FHIP2A: variants seen among roughly 807,000 people sequenced by gnomAD.
FHIP2A encodes the protein FHF complex subunit HOOK interacting protein 2A, also known as family with sequence similarity 160 member B1.
Under a neutral mutation model 93.5 loss-of-function variants are expected in FHIP2A, and 46 were observed. The observed-to-expected ratio is 0.49, with a 90% confidence interval of 0.39 to 0.63. The LOEUF (loss-of-function observed/expected upper bound fraction) is 0.63. Among genes scored for constraint, FHIP2A ranks in the 20% least tolerant of loss-of-function variants. FHIP2A has a pLI of 0.00. For synonymous variants in FHIP2A, 332 were observed against 326.5 expected, an observed-to-expected ratio of 1.02 and a Z score of -0.18; for missense variants, 769 against 909.7, an observed-to-expected ratio of 0.85 and a Z score of 1.99.
In FHIP2A at chr10:114,846,836, T is replaced by C. The variant is rs2083704623; in HGVS notation, c.1568+108T>C. On this transcript the variant is annotated intron_variant, in intron 11 of 16. Transcript: ENST00000369248. Reference sequence around the variant, plus strand: ...CTCAAAAGAAATACCTCTTACAGTTTAAAAGTTCTTAAAAGTAAAATTAGA... The same window carrying C: ...CTCAAAAGAAATACCTCTTACAGTTCAAAAGTTCTTAAAAGTAAAATTAGA... 3 of 1,008,260 alleles carry C rather than the reference T, an allele frequency of 3.0e-6. 1 individual carries two copies. In the East Asian group the frequency reaches 7.8e-5, roughly 26 times the overall value. The allele number at this position is 1,008,260 out of a possible 1,614,324, so 62.5% of individuals were successfully genotyped here.
chr10:114,857,096 C>T (rs1352477403), intron 14 of FHIP2A, among the ~76,000 whole-genome samples: 1 of 151,688 alleles, frequency 6.6e-6, no homozygotes, highest in Non-Finnish European at 1.5e-5. Flanking sequence ...AGTGAGACCC[C>T]GTCTCTAAAA....
chr10:114,845,589 AC>A, intron 8 of FHIP2A, 108 bp downstream of exon 8: 1 of 678,976 alleles, frequency 1.5e-6, no homozygotes, highest in Non-Finnish European at 2.5e-6. Context: ...GTCTTAGAAT[AC>A]CATGGTTAGT....
chr10:114,855,157 T>C (rs762685315), intron 13 of FHIP2A, 40 bp from the exon 14 acceptor site: 2 of 1,576,870 alleles, frequency 1.3e-6, no homozygotes, highest in Non-Finnish European at 1.7e-6. Flanking sequence ...TCTTAATTTG[T>C]TTTTGTTCTT....
chr10:114,846,549 T>C lies in FHIP2A; in HGVS notation c.1399-10T>C. On this transcript the variant is annotated splice_polypyrimidine_tract_variant and intron_variant, in intron 10 of 16. Coordinates refer to ENST00000369248, the MANE Select transcript of FHIP2A (RefSeq NM_020940.4). Reference sequence around the variant, plus strand: ...ATTTTTCAGTTAGCTTTTATCAATTTTGGTTTCAGATAAGCATAATGACAT... The same window carrying C: ...ATTTTTCAGTTAGCTTTTATCAATTCTGGTTTCAGATAAGCATAATGACAT... The C allele has an allele frequency of 1.8e-5, 28 of 1,572,150 alleles. No individual in the cohort carries two copies. The highest frequency in any genetic ancestry group is 2.4e-5 in the Non-Finnish European group (28 of 1,162,958).
intron 16 of FHIP2A, among the ~76,000 whole-genome samples, chr10:114,872,212 A>T (rs1592029825): frequency 6.6e-6 from 1 of 152,038 alleles, no homozygotes; most frequent in African/African-American, 2.4e-5. Flanking sequence ...AAAGACAAAA[A>T]CTTCCACTGT....
chr10:114,860,889 G>C lies in FHIP2A; in HGVS notation c.2088G>C (p.Arg696Ser), dbSNP rs1385886986. Residue 696 changes from arginine to serine, a missense_variant and splice_region_variant, in exon 15 of 17, where the codon AGG (arginine) becomes AGC (serine). By Grantham distance (110) the Arg-to-Ser change is moderately radical (BLOSUM62 -1). Coordinates refer to ENST00000369248, the MANE Select transcript of FHIP2A (RefSeq NM_020940.4). ...GATCTCTCTTCTCTGTAATTGTCAGGGTGAGTTACTAGTTCTGTTATATTC... is the reference window on the plus strand; with the variant it reads ...GATCTCTCTTCTCTGTAATTGTCAGCGTGAGTTACTAGTTCTGTTATATTC... ...GCRSLFSVIVRVVGDLMLRIQ... is the reference protein window; with the variant it reads ...GCRSLFSVIVSVVGDLMLRIQ... The C allele has an allele frequency of 6.2e-7, 1 of 1,612,630 alleles. No homozygotes were observed. Among genetic ancestry groups the C allele is most frequent in the Non-Finnish European group, 8.5e-7 (1 of 1,179,114 alleles).
rs565829263 is a variant in FHIP2A at position 114,861,698 on chromosome 10, T to C, written c.*158T>C. 3.7e-4 allele frequency: 520 copies of C among 1,412,426 alleles called. 2 individuals carry two copies. The South Asian group carries it at 6.7e-3, about 18-fold the overall frequency. 87.5% of individuals were successfully genotyped at this position (1,412,426 alleles called of 1,614,324 possible). ...TTAAGAACCTATTGAGTGGACATTC[T>C]TGGTGAAATGTTGTATAATGTTGTT... On this transcript the variant is annotated 3_prime_UTR_variant, in exon 17 of 17. Transcript: ENST00000369248.
rs575628883 is a variant in FHIP2A, at chr10:114,841,493, T to C, written c.523-1440T>C. 3.3e-5 allele frequency among the ~76,000 whole-genome samples: 5 copies of C among 152,120 alleles called. No individual in the cohort carries two copies. In the East Asian group the frequency reaches 7.7e-4, roughly 24 times the overall value. On this transcript the variant is annotated intron_variant, in intron 5 of 16. Transcript: ENST00000369248. Reference sequence around the variant, plus strand: ...TTTTTAGTAGAGACAGGGTTTACCATGTTGGCCAGGCTGGTCTCGAACTCC... The same window carrying C: ...TTTTTAGTAGAGACAGGGTTTACCACGTTGGCCAGGCTGGTCTCGAACTCC...
chr10:114,897,540 C>A (rs187257148), intron 16 of FHIP2A, among the ~76,000 whole-genome samples: 5 of 152,252 alleles, frequency 3.3e-5, no homozygotes, highest in Admixed American at 6.5e-5. Flanking sequence ...TAAAAATATT[C>A]TTTTCTCTCC....
chr10:114,832,789 G>A (rs914918456), intron 2 of FHIP2A, among the ~76,000 whole-genome samples: 1 of 147,776 alleles, frequency 6.8e-6, no homozygotes, highest in African/African-American at 2.5e-5. Flanking sequence ...TCTGCTCACT[G>A]CAGCCTCCAC....
downstream of FHIP2A, among the ~76,000 whole-genome samples, chr10:114,868,108 G>C (rs142837302): frequency 6.6e-6 from 1 of 151,988 alleles, no homozygotes; most frequent in African/African-American, 2.4e-5. Context: ...TATTTTTGTA[G>C]AGATACAGTC....
chr10:114,845,877 C>T, intron 8 of FHIP2A, 136 bp from the exon 9 acceptor site: 2 of 652,394 alleles, frequency 3.1e-6, no homozygotes, highest in Middle Eastern at 4.2e-4. Flanking sequence ...ATTTATATGC[C>T]ACCAATAAGA....
In FHIP2A at chr10:114,843,094, T is replaced by G. The variant is rs1000273383; in HGVS notation, c.684T>G (p.Pro228=). ...AGCAAACAGAATTGGAAGATGAGCC[T>G]CCTCATCAGATGGATCACCTGTCCA... ...GMEQTELEDE[P]PHQMDHLSTS... Residue 228 remains proline, a synonymous_variant, in exon 6 of 17, where the codon CCT becomes CCG. Transcript: ENST00000369248. The G allele has an allele frequency of 6.8e-6, 11 of 1,614,052 alleles. No homozygotes were observed. Among genetic ancestry groups the G allele is most frequent in the Non-Finnish European group, 9.3e-6 (11 of 1,179,972 alleles).
At chr10:114,890,335 C>A (rs2083964447) in intron 16 of FHIP2A, among the ~76,000 whole-genome samples, 1 of 151,916 alleles carries the variant, frequency 6.6e-6, no homozygotes, top group Admixed American at 6.6e-5. Context: ...GCCTAACCAC[C>A]TGTATTTTTG....
Position 114,842,992 on chromosome 10 carries a change from A to T in FHIP2A, c.582A>T (p.Leu194Phe). 1.2e-6 allele frequency: 2 copies of T among 1,612,946 alleles called. No individual in the cohort carries two copies. The highest frequency in any genetic ancestry group is 8.5e-7 in the Non-Finnish European group (1 of 1,178,954). Reference sequence around the variant, plus strand: ...CAAATGTAATTTCAGAAGATACATTAAAAGGTCAGGATTCCTTGTCAACAG... The same window carrying T: ...CAAATGTAATTTCAGAAGATACATTTAAAGGTCAGGATTCCTTGTCAACAG... ...GVPNVISEDT[L>F]KGQDSLSTDT... Residue 194 changes from leucine (L) to phenylalanine (F), a missense_variant, in exon 6 of 17, where the codon TTA (leucine) becomes TTT (phenylalanine). Physicochemically the swap from Leu to Phe is conservative, Grantham distance 22. Transcript: ENST00000369248.
chr10:114,860,672 A>C (rs1345155962), intron 14 of FHIP2A, 77 bp from the exon 15 acceptor site: 4 of 1,234,384 alleles, frequency 3.2e-6, no homozygotes, highest in Non-Finnish European at 4.7e-6. Flanking sequence ...TTCTTAAAAG[A>C]ACAAATTGAA....
downstream of FHIP2A, among the ~76,000 whole-genome samples, chr10:114,869,247 T>C (rs2083845431): frequency 6.6e-6 from 1 of 152,224 alleles, no homozygotes; most frequent in Admixed American, 6.5e-5. Flanking sequence ...ATTGATTAGA[T>C]TTCCCAAGAG....
intron 16 of FHIP2A, among the ~76,000 whole-genome samples, chr10:114,898,522 G>C (rs1485926908): frequency 6.6e-6 from 1 of 152,126 alleles, no homozygotes; most frequent in Non-Finnish European, 1.5e-5. Context: ...ACTCCTACCT[G>C]CCACAAGGTG....
chr10:114,835,175 A>G (rs11819372), intron 3 of FHIP2A, among the ~76,000 whole-genome samples: 80,291 of 151,962 alleles, frequency 0.53, 21,595 homozygotes, highest in African/African-American at 0.62. Context: ...CCTTTGTTCC[A>G]GCGGGGTGTT....
Sources: gnomAD v4.1 joint callset for allele counts (sites outside exome capture counted in the v4.1 genomes callset) on GRCh38, gnomAD v4.1.1 for gene constraint, MANE v1.5 for transcripts, NCBI Gene and HGNC (gene_info 2026-07-23, HGNC 2026-07-21) for gene names.